The following ADGRF5 variants were observed in gnomAD, a reference collection of about 807,000 sequenced individuals.
ADGRF5 encodes the protein adhesion G protein-coupled receptor F5.
ADGRF5 carries 75 observed loss-of-function variants against 132.3 expected under a neutral mutation model. The observed-to-expected ratio is 0.57, with a 90% CI of 0.47 to 0.69. The LOEUF (loss-of-function observed/expected upper bound fraction) is 0.69. Among genes scored for constraint, ADGRF5 ranks in the 30% least tolerant of loss-of-function variants. ADGRF5 has a pLI of 0.00. For synonymous variants in ADGRF5, 629 were observed against 597.6 expected, an observed-to-expected ratio of 1.05 and a Z score of -0.77; for missense variants, 1,516 against 1,630.6, an observed-to-expected ratio of 0.93 and a Z score of 1.21.
At chr6:46,948,820 A>T (rs1360474977) in intron 1 of ADGRF5, among the ~76,000 whole-genome samples, 1 of 152,196 alleles carries the variant, frequency 6.6e-6, no homozygotes. Context: ...CCTCAAGACC[A>T]CATTGATCCA....
intron 3 of ADGRF5, among the ~76,000 whole-genome samples, chr6:46,895,645 CT>C (rs1356417855): frequency 6.7e-6 from 1 of 150,006 alleles, no homozygotes; most frequent in African/African-American, 2.5e-5. Flanking sequence ...CTGAATGCCC[CT>C]CTCTTGCTGT....
intron 1 of ADGRF5, among the ~76,000 whole-genome samples, chr6:46,921,037 T>C (rs1776885758): frequency 6.6e-6 from 1 of 152,156 alleles, no homozygotes; most frequent in African/African-American, 2.4e-5. Flanking sequence ...TTCTGAAATA[T>C]GAGAAAACAT....
intron 1 of ADGRF5, among the ~76,000 whole-genome samples, chr6:46,934,581 T>C (rs1405958170): frequency 6.6e-6 from 1 of 152,242 alleles, no homozygotes; most frequent in East Asian, 1.9e-4. Flanking sequence ...TAAGGTCCCA[T>C]ATAATGACAG....
rs549401140 is a variant in ADGRF5, at chr6:46,899,745, C to T, written c.157+284G>A. ...CAGAGAAGTAGACCATTTGGTGGTG[C>T]GGGAGGGCAGCTGAGGAGGGAGCCA... is the stretch of plus-strand genomic sequence containing the variant. On this transcript the variant is annotated intron_variant, in intron 3 of 20. Coordinates refer to ENST00000283296, the MANE Select transcript of ADGRF5 (RefSeq NM_001098518.2). 7.4e-4 allele frequency among the ~76,000 whole-genome samples: 111 copies of T among 149,624 alleles called. 1 individual carries two copies. The highest frequency in any genetic ancestry group is 1.4e-3 in the Non-Finnish European group (96 of 67,604).
chr6:46,904,238 CAT>C (rs1389993310), intron 2 of ADGRF5, among the ~76,000 whole-genome samples: 1 of 152,232 alleles, frequency 6.6e-6, no homozygotes, highest in Non-Finnish European at 1.5e-5. Context: ...CTTTACCCCA[CAT>C]GTGTATATTC....
rs1182565746 is a variant in ADGRF5 at position 46,881,574 on chromosome 6, T to A, written c.695A>T (p.Tyr232Phe). The stretch of plus-strand genomic sequence containing the variant: ...TGATGGTGGTGTAGTCTTGACTTCA[T>A]ATGTCACAACCACACTTCCAGACCT... ...GFKSGSVVVT[Y>F]EVKTTPPSLE... is the part of the protein sequence containing the mutation. The change falls in exon 8 of 21, where the codon TAT (tyrosine) becomes TTT (phenylalanine). Residue 232 changes from tyrosine to phenylalanine, a missense_variant. By Grantham distance (22) the Tyr-to-Phe change is conservative. Coordinates refer to ENST00000283296, the MANE Select transcript of ADGRF5 (RefSeq NM_001098518.2). The A allele has an allele frequency of 6.2e-7, 1 of 1,613,916 alleles. No homozygotes were observed. Among genetic ancestry groups the A allele is most frequent in the Admixed American group, 1.7e-5 (1 of 59,996 alleles).
Position 46,859,286 on chromosome 6 carries a change from G to C in ADGRF5, c.2617C>G (p.Pro873Ala). Residue 873 changes from proline to alanine, a missense_variant, in exon 17 of 21, where the codon CCA (proline) becomes GCA (alanine). By Grantham distance (27) the Pro-to-Ala change is conservative (BLOSUM62 -1). Around this residue, in one of 2 missense-constraint regions of ADGRF5, gnomAD observed 571 missense variants for 701.2 expected, o/e 0.81. Transcript: ENST00000283296. ...ACATTGCCCCAGAGGTCAAAGTATGGGAAAACAAACCTCTGTTGATAGGTT... is the reference window on the plus strand; with the variant it reads ...ACATTGCCCCAGAGGTCAAAGTATGCGAAAACAAACCTCTGTTGATAGGTT... ...PETYQQRFVF[P>A]YFDLWGNVVI... is the part of the protein sequence containing the mutation. 1 of 1,614,032 alleles carries C rather than the reference G, an allele frequency of 6.2e-7. No individual in the cohort carries two copies. Among genetic ancestry groups the C allele is most frequent in the South Asian group, 1.1e-5 (1 of 91,086 alleles).
At chr6:46,936,296 G>T (rs964252171) in intron 1 of ADGRF5, among the ~76,000 whole-genome samples, 1 of 152,182 alleles carries the variant, frequency 6.6e-6, no homozygotes, top group Non-Finnish European at 1.5e-5. Flanking sequence ...ATCACCTGTA[G>T]ATTCTAGAGC....
chr6:46,891,721 G>A (rs73736676), intron 3 of ADGRF5, among the ~76,000 whole-genome samples: 16,199 of 152,110 alleles, frequency 0.11, 1,102 homozygotes, highest in Admixed American at 0.2. Flanking sequence ...GGTGATTCAC[G>A]GATGTTATCA....
chr6:46,880,949 T>A (rs1191241543), intron 8 of ADGRF5, among the ~76,000 whole-genome samples: 1 of 149,250 alleles, frequency 6.7e-6, no homozygotes, highest in Non-Finnish European at 1.5e-5. Flanking sequence ...AAAAAAAAAA[T>A]GTTAGCTGAG....
intron 1 of ADGRF5, among the ~76,000 whole-genome samples, chr6:46,941,869 C>A (rs1778104323): frequency 6.6e-6 from 1 of 152,176 alleles, no homozygotes; most frequent in South Asian, 2.1e-4. Flanking sequence ...GCCAGCTTCG[C>A]CTCTTCCTAC....
intron 11 of ADGRF5, 58 bp from the exon 12 acceptor site, chr6:46,869,150 T>C (rs969085186): frequency 9.6e-6 from 15 of 1,562,082 alleles, no homozygotes; most frequent in Non-Finnish European, 1.2e-5. Flanking sequence ...ATGTGTAGTA[T>C]CTCTGGGGAC....
upstream of ADGRF5, among the ~76,000 whole-genome samples, chr6:46,923,103 T>G (rs1399846536): frequency 1.3e-5 from 2 of 152,148 alleles, no homozygotes; most frequent in Non-Finnish European, 2.9e-5. Flanking sequence ...ATTTTTGTAT[T>G]TTTAATAGAG....
rs1778580789 is a variant in ADGRF5 at position 46,953,628 on chromosome 6, A to AT, written c.-25+1105dup. On this transcript the variant is annotated intron_variant, in intron 1 of 20. Coordinates refer to the ADGRF5 transcript ENST00000265417. The stretch of plus-strand genomic sequence containing the variant: ...TGAGACACAGTCTCAGAAAAAAAAA[A>AT]TTATATATATATAGATATATGTGTA... Among the ~76,000 whole-genome samples, 2 of 117,228 alleles carry AT rather than the reference A, an allele frequency of 1.7e-5. 1 individual carries two copies. The highest frequency in any genetic ancestry group is 3.4e-5 in the Non-Finnish European group (2 of 58,172). The allele number at this position is 117,228 out of a possible 152,430, so 76.9% of individuals were successfully genotyped here.
At chr6:46,954,479 G>C (rs1051573512) in intron 1 of ADGRF5, among the ~76,000 whole-genome samples, 3 of 148,400 alleles carry the variant, frequency 2.0e-5, no homozygotes, top group Non-Finnish European at 4.5e-5. Context: ...GCACTCCAAA[G>C]AAAATAAGAA....
intron 1 of ADGRF5, among the ~76,000 whole-genome samples, chr6:46,928,040 T>C (rs1213818991): frequency 3.3e-5 from 5 of 152,134 alleles, no homozygotes; most frequent in African/African-American, 4.8e-5. Context: ...ACCAGGGAAA[T>C]ACTGAAAAGT....
intron 17 of ADGRF5, among the ~76,000 whole-genome samples, chr6:46,857,422 C>A (rs916542670): frequency 2.0e-5 from 3 of 152,138 alleles, no homozygotes; most frequent in African/African-American, 7.2e-5. Flanking sequence ...TGGCCTCAAT[C>A]CTTGGGCAAG....
intron 1 of ADGRF5, among the ~76,000 whole-genome samples, chr6:46,937,221 A>AGTGT (rs10558166): frequency 0.021 from 3,010 of 146,764 alleles, 56 homozygotes; most frequent in South Asian, 0.081. Context: ...GGCAATAAGG[A>AGTGT]GTGTGTGTGT....
At chr6:46,901,755 C>A (rs1348771487) in intron 2 of ADGRF5, among the ~76,000 whole-genome samples, 1 of 151,972 alleles carries the variant, frequency 6.6e-6, no homozygotes, top group Non-Finnish European at 1.5e-5. Context: ...GGGAGCGGGT[C>A]TCTCTTTACC....
Sources: allele counts gnomAD v4.1 joint callset (sites outside exome capture counted in the v4.1 genomes callset), GRCh38; gene constraint gnomAD v4.1.1; regional missense constraint gnomAD v4.1.1; transcripts MANE v1.5; gene names NCBI Gene and HGNC (gene_info 2026-07-23, HGNC 2026-07-21).